FGD5: variants seen among roughly 807,000 people sequenced by gnomAD.
FGD5 encodes the protein FYVE, RhoGEF and PH domain containing 5, also known as FYVE, RhoGEF and PH domain-containing protein 5.
A neutral mutation model predicts 133.4 loss-of-function variants in FGD5; 28 were observed. That is an observed-to-expected ratio of 0.21 (90% confidence interval 0.16 to 0.29). FGD5 has a LOEUF of 0.29. Among genes scored for constraint, FGD5 ranks in the 10% least tolerant of loss-of-function variants. The pLI is 1.00. For missense variants in FGD5, 1,858 were observed against 1,895.2 expected (o/e 0.98, Z 0.36); for synonymous variants, 810 against 776.5 (o/e 1.04, Z -0.72).
rs139175845 is a variant in FGD5 at position 14,840,050 on chromosome 3, C to G, written c.2525+18454C>G. Among the ~76,000 whole-genome samples the G allele has an allele frequency of 5.0e-3, 757 of 152,344 alleles. 5 individuals are homozygous for G. Among genetic ancestry groups the G allele is most frequent in the African/African-American group, 0.018 (739 of 41,580 alleles). On this transcript the variant is annotated intron_variant, in intron 1 of 19. Coordinates refer to ENST00000285046, the MANE Select transcript of FGD5 (RefSeq NM_152536.4). ...TCTCACATTCTCACATCACTGAGTC[C>G]TGGTTCTCCAGCCCCCTGCCTAGTT...
intron 1 of FGD5, among the ~76,000 whole-genome samples, chr3:14,859,882 T>C (rs1434192522): frequency 6.6e-6 from 1 of 151,224 alleles, no homozygotes; most frequent in Non-Finnish European, 1.5e-5. Context: ...CTCGAACCAC[T>C]CCCCCCCCAA....
chr3:14,933,080 A>G, intron 19 of FGD5, 51 bp from the exon 20 acceptor site: 1 of 1,598,324 alleles, frequency 6.3e-7, no homozygotes, highest in Non-Finnish European at 8.5e-7. Context: ...CTGTGACCAG[A>G]GTCATAGGCA....
intron 2 of FGD5, among the ~76,000 whole-genome samples, chr3:14,879,680 T>G (rs1334116225): frequency 6.6e-6 from 1 of 152,136 alleles, no homozygotes; most frequent in African/African-American, 2.4e-5. Context: ...CCTGGAGAGA[T>G]GTAATTGTTT....
Position 14,907,259 on chromosome 3 carries a change from T to C in FGD5, c.3265-381T>C, listed in dbSNP as rs573061359. 3.5e-4 allele frequency among the ~76,000 whole-genome samples: 53 copies of C among 152,302 alleles called. 1 individual carries two copies. The highest frequency in any genetic ancestry group is 6.2e-4 in the Non-Finnish European group (42 of 68,030). ...TCCACAGAGTGTGGATCCAGTTTCCTCTGCAGGTGCTGTGTTTCATGGGCT... is the reference window on the plus strand; with the variant it reads ...TCCACAGAGTGTGGATCCAGTTTCCCCTGCAGGTGCTGTGTTTCATGGGCT... On this transcript the variant is annotated intron_variant, in intron 9 of 19. Coordinates refer to ENST00000285046, the MANE Select transcript of FGD5 (RefSeq NM_152536.4).
At chr3:14,892,566 C>G (rs1057486557) in intron 4 of FGD5, among the ~76,000 whole-genome samples, 8 of 152,134 alleles carry the variant, frequency 5.3e-5, no homozygotes, top group Non-Finnish European at 1.0e-4. Flanking sequence ...GCCTGTAATC[C>G]TAGCACTTTG....
At chr3:14,918,438 G>C (rs370950995) in intron 12 of FGD5, among the ~76,000 whole-genome samples, 1 of 152,242 alleles carries the variant, frequency 6.6e-6, no homozygotes, top group Admixed American at 6.5e-5. Flanking sequence ...CCACCGAGGA[G>C]CCTGTTAGAA....
At chr3:14,823,853 C>CA (rs201996625) in intron 1 of FGD5, among the ~76,000 whole-genome samples, 9 of 152,170 alleles carry the variant, frequency 5.9e-5, no homozygotes, top group African/African-American at 1.7e-4. Context: ...GTACTTTGTG[C>CA]AAAAAAACCA....
In FGD5 at chr3:14,848,270, G is replaced by A. The variant is rs540778738; in HGVS notation, c.2526-15858G>A. Among the ~76,000 whole-genome samples, 652 of 152,142 alleles carry A rather than the reference G, an allele frequency of 4.3e-3. 2 individuals are homozygous for A. The highest frequency in any genetic ancestry group is 0.014 in the African/African-American group (600 of 41,500). On this transcript the variant is annotated intron_variant, in intron 1 of 19. Transcript: ENST00000285046. ...TTCCTGGGCAGCCCTGCCCTTCCCCGCGCCTCTTCCCTCCAAGACTGCCAC... is the reference window on the plus strand; with the variant it reads ...TTCCTGGGCAGCCCTGCCCTTCCCCACGCCTCTTCCCTCCAAGACTGCCAC...
chr3:14,813,382 G>T lies in FGD5; in HGVS notation c.13+2517G>T, dbSNP rs576761120. 2.6e-5 allele frequency among the ~76,000 whole-genome samples: 4 copies of T among 152,170 alleles called. No homozygotes were observed. In the South Asian group the frequency reaches 6.2e-4, roughly 24 times the overall value. On this transcript the variant is annotated intron_variant, in intron 1 of 1. Transcript: ENST00000640506. The stretch of plus-strand genomic sequence containing the variant: ...TGCCCTGTCGTGGATCACTGGACCA[G>T]CCTAACAGCAGCCTAATTAGAAATC...
At chr3:14,853,625 G>C (rs79332027) in intron 1 of FGD5, among the ~76,000 whole-genome samples, 10,735 of 142,328 alleles carry the variant, frequency 0.075, 619 homozygotes, top group East Asian at 0.21. Flanking sequence ...TTCCCAGGGG[G>C]AAAAGCGTTC....
At chr3:14,843,205 C>T (rs1366781903) in intron 1 of FGD5, among the ~76,000 whole-genome samples, 2 of 152,058 alleles carry the variant, frequency 1.3e-5, no homozygotes, top group Admixed American at 6.5e-5. Context: ...GGTCCCCATC[C>T]CAAACTTGGC....
intron 1 of FGD5, among the ~76,000 whole-genome samples, chr3:14,860,264 G>T (rs1392826915): frequency 6.6e-6 from 1 of 152,200 alleles, no homozygotes. Flanking sequence ...CCATCAATGA[G>T]TCTGGTTTGT....
intron 4 of FGD5, 32 bp downstream of exon 4, chr3:14,880,804 A>T: frequency 6.2e-7 from 1 of 1,610,410 alleles, no homozygotes; most frequent in Admixed American, 1.7e-5. Flanking sequence ...TCCAAAACTA[A>T]TTGCCCTTTT....
At position 14,917,130 on chromosome 3, in the gene FGD5, G is replaced by A. The variant is rs536773709; in HGVS notation, c.3406-119G>A. On this transcript the variant is annotated intron_variant, in intron 11 of 19. Coordinates refer to ENST00000285046, the MANE Select transcript of FGD5 (RefSeq NM_152536.4). The surrounding 1 kb of genome is among the most constrained non-coding windows in gnomAD (Gnocchi z 4.1). ...GCCGCAACGTTTTTGCTCACCTGTG[G>A]GGGTTACTGAGGAATACAAGATGCC... The A allele has an allele frequency of 4.6e-5, 38 of 820,188 alleles. No homozygotes were observed. Among genetic ancestry groups the A allele is most frequent in the African/African-American group, 3.1e-4 (18 of 57,386 alleles). 50.8% of individuals were successfully genotyped at this position (820,188 alleles called of 1,614,324 possible).
intron 18 of FGD5, among the ~76,000 whole-genome samples, chr3:14,927,716 G>A (rs1265336003): frequency 2.6e-5 from 4 of 151,950 alleles, no homozygotes; most frequent in African/African-American, 9.7e-5. Flanking sequence ...TAACAGTCCT[G>A]GGAAAAAGCG....
At chr3:14,826,731 G>A (rs1240990048) in intron 1 of FGD5, among the ~76,000 whole-genome samples, 1 of 152,132 alleles carries the variant, frequency 6.6e-6, no homozygotes, top group African/African-American at 2.4e-5. Context: ...GGAGAATCTC[G>A]TTCCTCTTGC....
At chr3:14,871,604 C>T (rs1575221656) in intron 2 of FGD5, among the ~76,000 whole-genome samples, 1 of 152,118 alleles carries the variant, frequency 6.6e-6, no homozygotes, top group East Asian at 1.9e-4. Context: ...GGGAGGCAGA[C>T]ACAACTCAGA....
intron 18 of FGD5, among the ~76,000 whole-genome samples, chr3:14,927,505 A>T (rs146483630): frequency 8.9e-4 from 135 of 152,078 alleles, no homozygotes; most frequent in African/African-American, 3.1e-3. Context: ...GGACTTAAGT[A>T]TGACTCCAAA....
chr3:14,853,333 C>T (rs759705011), intron 1 of FGD5, among the ~76,000 whole-genome samples: 6 of 152,090 alleles, frequency 3.9e-5, no homozygotes, highest in Non-Finnish European at 8.8e-5. Context: ...ATCCCTATCC[C>T]GTATCCAGCC....
Sources: gnomAD v4.1 joint callset for allele counts (sites outside exome capture counted in the v4.1 genomes callset) on GRCh38, gnomAD v4.1.1 for gene constraint, Gnocchi (gnomAD v3.1) non-coding constraint, MANE v1.5 for transcripts, NCBI Gene and HGNC (gene_info 2026-07-23, HGNC 2026-07-21) for gene names.